The following STARD9 variants were observed in gnomAD, a reference collection of about 807,000 sequenced individuals.
STARD9 encodes the protein StAR related lipid transfer domain containing 9.
In STARD9, 346 loss-of-function variants were observed where a neutral mutation model predicts 399.8. The observed-to-expected ratio is 0.87, with a 90% CI of 0.79 to 0.95. STARD9 has a LOEUF of 0.95. Ranked by LOEUF, STARD9 falls within the 40% of genes least tolerant of loss-of-function variation. The pLI, the probability that STARD9 is intolerant of heterozygous loss-of-function variation, is 0.00. For synonymous variants in STARD9, 2,203 were observed against 2,143.5 expected (o/e 1.03, Z -0.77); for missense variants, 5,832 against 5,667.5 (o/e 1.03, Z -0.93).
intron 26 of STARD9, among the ~76,000 whole-genome samples, chr15:42,703,653 G>C (rs372069890): frequency 6.6e-6 from 1 of 151,746 alleles, no homozygotes; most frequent in Non-Finnish European, 1.5e-5. Flanking sequence ...GATTACAGGC[G>C]TGGGCCACCG....
At chr15:42,657,920 GA>G (rs1054799475) in intron 9 of STARD9, among the ~76,000 whole-genome samples, 4 of 152,166 alleles carry the variant, frequency 2.6e-5, no homozygotes, top group African/African-American at 9.6e-5. Context: ...ATGTCTATAT[GA>G]AAAAAAGAAC....
chr15:42,576,147 A>G (rs1007759966), intron 1 of STARD9, among the ~76,000 whole-genome samples: 1 of 152,048 alleles, frequency 6.6e-6, no homozygotes, highest in African/African-American at 2.4e-5. Flanking sequence ...CTGAGGCTGA[A>G]TGGTGTGTGT....
chr15:42,610,707 C>T (rs1193878011), intron 3 of STARD9, among the ~76,000 whole-genome samples: 1 of 152,070 alleles, frequency 6.6e-6, no homozygotes, highest in African/African-American at 2.4e-5. Context: ...CCACCACGCC[C>T]GACTTATTTT....
chr15:42,685,212 G>A lies in STARD9; in HGVS notation c.3634G>A (p.Glu1212Lys). 1.3e-6 allele frequency: 2 copies of A among 1,537,194 alleles called. No homozygotes were observed. Among genetic ancestry groups the A allele is most frequent in the East Asian group, 4.9e-5 (2 of 40,912 alleles). The change falls in exon 23 of 33, where the codon GAA becomes AAA. Residue 1212 changes from glutamate to lysine, a missense_variant. Glu to Lys is a moderately conservative substitution (Grantham distance 56). Transcript: ENST00000290607. The stretch of plus-strand genomic sequence containing the variant: ...CTTGGATAGCCTGATTGATGCAGAG[G>A]AAGAACTGGGGGAAGATCAGCAAGA... ...FSLDSLIDAE[E>K]ELGEDQQEEP...
intron 26 of STARD9, among the ~76,000 whole-genome samples, chr15:42,706,066 T>C (rs977330633): frequency 6.6e-5 from 10 of 152,196 alleles, no homozygotes; most frequent in African/African-American, 2.4e-4. Flanking sequence ...TGTTTATTTT[T>C]TATATGAAAT....
Position 42,692,878 on chromosome 15 carries a change from A to G in STARD9, c.11300A>G (p.Asp3767Gly), listed in dbSNP as rs1231103919. 2.6e-6 allele frequency: 4 copies of G among 1,537,266 alleles called. No homozygotes were observed. The highest frequency in any genetic ancestry group is 2.6e-6 in the Non-Finnish European group (3 of 1,146,914). ...ANVILEGLGSDTSTVSQEEGD... is the reference protein window; with the variant it reads ...ANVILEGLGSGTSTVSQEEGD... ...GTGATCCTTGAAGGGCTAGGCTCAG[A>G]TACCTCGACTGTGTCTCAAGAAGAG... The change falls in exon 23 of 33, where the codon GAT becomes GGT. Residue 3767 changes from aspartate (D) to glycine (G), a missense_variant. Transcript: ENST00000290607.
At chr15:42,660,513 C>T (rs761197303) in intron 9 of STARD9, among the ~76,000 whole-genome samples, 8 of 148,736 alleles carry the variant, frequency 5.4e-5, no homozygotes, top group African/African-American at 9.9e-5. Flanking sequence ...TGCAGTGGGC[C>T]GAGATCGTGC....
rs1405249923 is a variant in STARD9, at chr15:42,690,936, G to A, written c.9358G>A (p.Val3120Ile). The A allele has an allele frequency of 2.0e-6, 3 of 1,537,102 alleles. No homozygotes were observed. Among genetic ancestry groups the A allele is most frequent in the South Asian group, 2.4e-5 (2 of 84,066 alleles). Residue 3120 changes from valine (V) to isoleucine (I), a missense_variant, in exon 23 of 33, where the codon GTA becomes ATA. Coordinates refer to ENST00000290607, the MANE Select transcript of STARD9 (RefSeq NM_020759.3). ...EPLRQFRDSSVGDQNAQVCQT... is the reference protein window; with the variant it reads ...EPLRQFRDSSIGDQNAQVCQT... The stretch of plus-strand genomic sequence containing the variant: ...CCTGAGGCAGTTTAGGGACAGCTCT[G>A]TAGGTGACCAGAATGCACAGGTGTG...
chr15:42,583,203 C>T (rs775102232), intron 1 of STARD9, 143 bp from the exon 2 acceptor site: 12 of 604,106 alleles, frequency 2.0e-5, no homozygotes, highest in Admixed American at 3.0e-5. Flanking sequence ...CTTGATGCGA[C>T]GCTTATAGCC....
chr15:42,681,586 C>G lies in STARD9; in HGVS notation c.2039C>G (p.Ala680Gly), dbSNP rs969394203. Residue 680 changes from alanine to glycine, a missense_variant, in exon 21 of 33, where the codon GCT becomes GGT. Coordinates refer to ENST00000290607, the MANE Select transcript of STARD9 (RefSeq NM_020759.3). ...RAAKELEFDQ[A>G]WISQQIKENQ... ...GCGAAGGAACTGGAATTTGACCAAG[C>G]TTGGATTAGCCAGCAGATTAAAGAA... 7.2e-6 allele frequency: 11 copies of G among 1,537,056 alleles called. No homozygotes were observed. Among genetic ancestry groups the G allele is most frequent in the Non-Finnish European group, 9.6e-6 (11 of 1,146,800 alleles).
intron 3 of STARD9, among the ~76,000 whole-genome samples, chr15:42,627,159 G>A (rs1004566156): frequency 2.0e-5 from 3 of 152,116 alleles, no homozygotes; most frequent in Admixed American, 1.3e-4. Context: ...AGCTGGGCAT[G>A]GGGACATGTG....
Position 42,684,170 on chromosome 15 carries a change from A to G in STARD9, c.2592A>G (p.Thr864=). The stretch of plus-strand genomic sequence containing the variant: ...CATTGCCACCTAGGCCTGACCCTAC[A>G]CACCAAACATCAGAGAAAACATCAT... The part of the protein sequence containing the change: ...STTLPPRPDP[T]HQTSEKTSSE... The change falls in exon 23 of 33, where the codon ACA becomes ACG. Residue 864 remains threonine (T), a synonymous_variant. Transcript: ENST00000290607. 1 of 1,537,182 alleles carries G rather than the reference A, an allele frequency of 6.5e-7. No individual in the cohort carries two copies. The highest frequency in any genetic ancestry group is 8.7e-7 in the Non-Finnish European group (1 of 1,146,854).
intron 1 of STARD9, among the ~76,000 whole-genome samples, chr15:42,577,170 T>G (rs987360407): frequency 2.6e-5 from 4 of 152,144 alleles, no homozygotes; most frequent in Non-Finnish European, 5.9e-5. Context: ...CTTTTTTTTT[T>G]TGAGATGGAG....
chr15:42,689,248 A>G lies in STARD9; in HGVS notation c.7670A>G (p.Gln2557Arg), dbSNP rs963713121. Residue 2557 changes from glutamine (Q) to arginine (R), a missense_variant, in exon 23 of 33, where the codon CAG becomes CGG. Gln to Arg is a conservative substitution (Grantham distance 43). Around this residue, in one of 2 missense-constraint regions of STARD9, gnomAD observed 5,828 missense variants for 5,651.1 expected, o/e 1.03. Transcript: ENST00000290607. ...MCLAILEEIRQAKAQRKQLHD... is the reference protein window; with the variant it reads ...MCLAILEEIRRAKAQRKQLHD... ...CTGGCCATCTTGGAGGAGATCAGAC[A>G]GGCAAAGGCCCAGAGAAAGCAGCTT... 2.0e-6 allele frequency: 3 copies of G among 1,537,302 alleles called. No individual in the cohort carries two copies. Among genetic ancestry groups the G allele is most frequent in the Non-Finnish European group, 2.6e-6 (3 of 1,146,922 alleles).
At chr15:42,632,145 A>AT (rs2059344489) in intron 3 of STARD9, among the ~76,000 whole-genome samples, 1 of 152,168 alleles carries the variant, frequency 6.6e-6, no homozygotes. Flanking sequence ...ATATATATTT[A>AT]TAATTGTTAC....
chr15:42,671,126 ATTTTTTTTTT>A (rs34261486), intron 16 of STARD9: 1 of 96,046 alleles, frequency 1.0e-5, no homozygotes, highest in African/African-American at 4.8e-5. Flanking sequence ...AGGATTGCTG[ATTTTTTTTTT>A]TTTTTTTTTT....
intron 9 of STARD9, among the ~76,000 whole-genome samples, chr15:42,654,514 T>C (rs2059824742): frequency 6.6e-6 from 1 of 152,160 alleles, no homozygotes; most frequent in Non-Finnish European, 1.5e-5. Context: ...GACAACATGA[T>C]TGTATACCTA....
intron 3 of STARD9, among the ~76,000 whole-genome samples, chr15:42,622,224 G>A (rs549403007): frequency 6.6e-6 from 1 of 152,114 alleles, no homozygotes; most frequent in Non-Finnish European, 1.5e-5. Flanking sequence ...AGTGGGCTGT[G>A]ATTGTACCAC....
chr15:42,585,340 G>T (rs2058253652), intron 2 of STARD9, among the ~76,000 whole-genome samples, 181 bp from the exon 3 acceptor site: 1 of 152,174 alleles, frequency 6.6e-6, no homozygotes, highest in African/African-American at 2.4e-5. Flanking sequence ...TTAGTTATCT[G>T]TGCTTTATTT....
Sources: gnomAD v4.1 joint callset for allele counts (sites outside exome capture counted in the v4.1 genomes callset) on GRCh38, gnomAD v4.1.1 for gene constraint, gnomAD v4.1.1 regional missense constraint, MANE v1.5 for transcripts, NCBI Gene and HGNC (gene_info 2026-07-23, HGNC 2026-07-21) for gene names.